APOOL: variants seen among roughly 807,000 people sequenced by gnomAD.
APOOL encodes the protein apolipoprotein O like.
A neutral mutation model predicts 23.1 loss-of-function variants in APOOL; 12 were observed. That is an observed-to-expected ratio of 0.52 (90% CI 0.33 to 0.84). The LOEUF (loss-of-function observed/expected upper bound fraction) is 0.84. Ranked by LOEUF, APOOL falls within the 40% of genes least tolerant of loss-of-function variation. The pLI is 0.02. For synonymous variants in APOOL, 77 were observed against 69.9 expected (o/e 1.10, Z -0.51); for missense variants, 212 against 199.6 (o/e 1.06, Z -0.37).
rs1240098516 is a variant in APOOL at position 85,089,725 on chromosome X, T to A, written c.*2047T>A. 2 of 111,089 alleles carry A rather than the reference T, an allele frequency of 1.8e-5. No homozygotes were observed. Among genetic ancestry groups the A allele is most frequent in the East Asian group, 5.6e-4 (2 of 3,551 alleles). 9.2% of individuals were successfully genotyped at this position (111,089 alleles called of 1,213,427 possible). A position where few individuals can be genotyped will look rare whatever the true frequency, so the allele number is the denominator to read the frequency against. On this transcript the variant is annotated 3_prime_UTR_variant, in exon 9 of 9. Transcript: ENST00000373173. ...TTATATTCACCTAACATCCCATAGA[T>A]ATGCCAATGTCAATGTGCCTAAAAC...
intron 1 of APOOL, among the ~76,000 whole-genome samples, chrX:85,036,904 A>C (rs771130098): frequency 9.1e-6 from 1 of 110,329 alleles, no homozygotes; most frequent in Non-Finnish European, 1.9e-5. Flanking sequence ...TATGTCTTGC[A>C]TCCTCATGTA....
At chrX:85,084,216 ACCTCT>A (rs1924213598) in intron 8 of APOOL, among the ~76,000 whole-genome samples, 1 of 102,999 alleles carries the variant, frequency 9.7e-6, no homozygotes, top group Non-Finnish European at 2.0e-5. Flanking sequence ...GCTCACTGTA[ACCTCT>A]GCCTCCCGGG....
At chrX:85,080,086 C>G (rs1355891123) in intron 8 of APOOL, among the ~76,000 whole-genome samples, 1 of 111,520 alleles carries the variant, frequency 9.0e-6, no homozygotes, top group African/African-American at 3.3e-5. Context: ...GTGTCTCTAT[C>G]TTTTTCAGTT....
intron 1 of APOOL, among the ~76,000 whole-genome samples, chrX:85,029,971 T>C (rs1439470843): frequency 8.9e-6 from 1 of 111,794 alleles, no homozygotes; most frequent in Admixed American, 9.5e-5. Flanking sequence ...TAACTAAAAG[T>C]ATGTCTACCA....
chrX:85,086,048 T>C (rs753224730), intron 8 of APOOL, among the ~76,000 whole-genome samples: 1 of 112,301 alleles, frequency 8.9e-6, no homozygotes, highest in Non-Finnish European at 1.9e-5. Context: ...GATTATGAGA[T>C]AATGCATGAA....
intron 1 of APOOL, among the ~76,000 whole-genome samples, chrX:85,037,379 G>T (rs1922250278): frequency 9.0e-6 from 1 of 111,402 alleles, no homozygotes; most frequent in Non-Finnish European, 1.9e-5. Context: ...TTTATAAGGA[G>T]AAACCCCTTT....
rs189670353 is a variant in APOOL, at chrX:85,055,917, C to T, written c.386C>T (p.Ala129Val). 3.1e-5 allele frequency: 37 copies of T among 1,181,036 alleles called. No homozygotes were observed. The African/African-American group carries it at 4.1e-4, about 13-fold the overall frequency. The change falls in exon 5 of 9, where the codon GCG (alanine) becomes GTG (valine). Residue 129 changes from alanine (A) to valine (V), a missense_variant. By Grantham distance (64) the Ala-to-Val change is moderately conservative (BLOSUM62 0). Coordinates refer to ENST00000373173, the MANE Select transcript of APOOL (RefSeq NM_198450.6). Reference protein sequence around the residue: ...TVSGLAGLVSARKGSKFKKIT... With the variant: ...TVSGLAGLVSVRKGSKFKKIT... ...TCAGGATTGGCGGGCTTGGTTTCAGCGAGAAAAGGTAGGGTTTTAAAAAAT... is the reference window on the plus strand; with the variant it reads ...TCAGGATTGGCGGGCTTGGTTTCAGTGAGAAAAGGTAGGGTTTTAAAAAAT...
At position 85,074,005 on chromosome X, in the gene APOOL, C is replaced by A. The variant is rs761648432; in HGVS notation, c.494C>A (p.Ala165Glu). ...ACTTTTTGTTTTAATTAGGTAACAG[C>A]AAAAAAGGTATATGCTACAAGCCAG... ...VQSVIIAKVTAKKVYATSQQI... is the reference protein window; with the variant it reads ...VQSVIIAKVTEKKVYATSQQI... The change falls in exon 7 of 9, where the codon GCA becomes GAA. Residue 165 changes from alanine to glutamate, a missense_variant. Physicochemically the swap from Ala to Glu is moderately radical, Grantham distance 107. Transcript: ENST00000373173. 5.2e-6 allele frequency: 6 copies of A among 1,143,849 alleles called. No homozygotes were observed. The South Asian group carries it at 1.0e-4, about 20-fold the overall frequency. 94.3% of individuals were successfully genotyped at this position (1,143,849 alleles called of 1,213,427 possible). A position where few individuals can be genotyped will look rare whatever the true frequency, so the allele number is the denominator to read the frequency against.
chrX:85,083,816 A>C (rs1026345934), intron 8 of APOOL, among the ~76,000 whole-genome samples: 10 of 112,000 alleles, frequency 8.9e-5, no homozygotes, highest in African/African-American at 3.2e-4. Flanking sequence ...TGATATTATC[A>C]GATATCACAT....
At chrX:85,029,326 G>C (rs1049595777) in intron 1 of APOOL, among the ~76,000 whole-genome samples, 2 of 111,835 alleles carry the variant, frequency 1.8e-5, no homozygotes, top group East Asian at 2.8e-4. Context: ...TCTTATCTGA[G>C]TAATTAAAAT....
chrX:85,071,353 T>C lies in APOOL; in HGVS notation c.487-2645T>C, dbSNP rs775709414. Reference sequence around the variant, plus strand: ...ACAAAAGAGAATATCCAAACAATTATATTGAGTATATTTTTGTACACATGA... The same window carrying C: ...ACAAAAGAGAATATCCAAACAATTACATTGAGTATATTTTTGTACACATGA... On this transcript the variant is annotated intron_variant, in intron 6 of 8. Transcript: ENST00000373173. Among the ~76,000 whole-genome samples, 81 of 110,679 alleles carry C rather than the reference T, an allele frequency of 7.3e-4. 1 individual carries two copies. Among genetic ancestry groups the C allele is most frequent in the African/African-American group, 2.5e-3 (77 of 30,479 alleles).
At chrX:85,005,889 T>G (rs756796232) in intron 1 of APOOL, among the ~76,000 whole-genome samples, 20 of 111,977 alleles carry the variant, frequency 1.8e-4, no homozygotes, top group African/African-American at 5.8e-4. Context: ...GAATGGTCAG[T>G]GGCAAAAAGC....
At position 85,090,347 on chromosome X, in the gene APOOL, A is replaced by C. The variant is rs1043189371; in HGVS notation, c.*2669A>C. On this transcript the variant is annotated 3_prime_UTR_variant, in exon 9 of 9. Coordinates refer to ENST00000373173, the MANE Select transcript of APOOL (RefSeq NM_198450.6). Reference sequence around the variant, plus strand: ...ATCATGTTTCTTTTCCCCTGTGGTGAGGAAGGCAAGGGGTAAGGGGTTGGG... The same window carrying C: ...ATCATGTTTCTTTTCCCCTGTGGTGCGGAAGGCAAGGGGTAAGGGGTTGGG... 2 of 111,725 alleles carry C rather than the reference A, an allele frequency of 1.8e-5. No individual in the cohort carries two copies. Among genetic ancestry groups the C allele is most frequent in the Non-Finnish European group, 3.8e-5 (2 of 53,176 alleles). The allele number at this position is 111,725 out of a possible 1,213,427, so 9.2% of individuals were successfully genotyped here. A position where few individuals can be genotyped will look rare whatever the true frequency, so the allele number is the denominator to read the frequency against.
At chrX:85,049,636 A>C (rs964632526) in intron 2 of APOOL, among the ~76,000 whole-genome samples, 8 of 110,066 alleles carry the variant, frequency 7.3e-5, no homozygotes, top group Non-Finnish European at 1.5e-4. Flanking sequence ...AAATACAAAA[A>C]TTAGCCGGGT....
intron 1 of APOOL, among the ~76,000 whole-genome samples, chrX:85,021,172 C>CCCAGTAGA (rs1210253509): frequency 1.3e-4 from 15 of 111,508 alleles, no homozygotes; most frequent in Non-Finnish European, 1.9e-4. Context: ...CCAGGCCTGT[C>CCCAGTAGA]CCAGTAGACA....
intron 5 of APOOL, 50 bp downstream of exon 5, chrX:85,055,975 T>C (rs1339563741): frequency 4.1e-6 from 4 of 973,417 alleles, no homozygotes; most frequent in Admixed American, 6.6e-5. Context: ...TATTAGTTTC[T>C]GAATTTTGTG....
At chrX:85,012,492 G>T (rs772059144) in intron 1 of APOOL, among the ~76,000 whole-genome samples, 1 of 111,335 alleles carries the variant, frequency 9.0e-6, no homozygotes, top group Non-Finnish European at 1.9e-5. Flanking sequence ...GTCATAAATG[G>T]CTTTTATTAC....
chrX:85,060,642 C>T (rs1466339344), intron 5 of APOOL, among the ~76,000 whole-genome samples: 11 of 111,243 alleles, frequency 9.9e-5, no homozygotes, highest in Admixed American at 3.9e-4. Context: ...TTTGTAGCAA[C>T]TGTGAATGGG....
intron 4 of APOOL, 84 bp from the exon 5 acceptor site, chrX:85,055,743 C>T: frequency 1.5e-6 from 1 of 645,439 alleles, no homozygotes; most frequent in Non-Finnish European, 2.3e-6. Flanking sequence ...CTTAGCAAAT[C>T]TCTTTAACCT....
Sources: allele counts gnomAD v4.1 joint callset (sites outside exome capture counted in the v4.1 genomes callset), GRCh38; gene constraint gnomAD v4.1.1; transcripts MANE v1.5; gene names NCBI Gene and HGNC (gene_info 2026-07-23, HGNC 2026-07-21).